Variants in GRM7 observed in about 807,000 individuals in gnomAD.
GRM7 encodes metabotropic glutamate receptor 7.
Under a neutral mutation model 84.5 loss-of-function variants are expected in GRM7, and 35 were observed. That is an observed-to-expected ratio of 0.41 (90% confidence interval 0.32 to 0.55). The LOEUF (loss-of-function observed/expected upper bound fraction) is 0.55. Among genes scored for constraint, GRM7 ranks in the 20% least tolerant of loss-of-function variants. The probability of loss-of-function intolerance (pLI) is 0.19; values close to 1 mark genes in which losing one functional copy is unlikely to be tolerated. For missense variants in GRM7, 1,003 were observed against 1,194.6 expected, an observed-to-expected ratio of 0.84 and a Z score of 2.36; for synonymous variants, 487 against 455.1, an observed-to-expected ratio of 1.07 and a Z score of -0.89.
At chr3:7,426,500 T>C (rs1268400759) in intron 5 of GRM7, among the ~76,000 whole-genome samples, 1 of 152,048 alleles carries the variant, frequency 6.6e-6, no homozygotes, top group East Asian at 1.9e-4. Context: ...TTTCCCCCAA[T>C]ACAACTTTTG....
intron 4 of GRM7, among the ~76,000 whole-genome samples, chr3:7,348,568 G>C (rs1000135017): frequency 6.6e-6 from 1 of 152,058 alleles, no homozygotes; most frequent in African/African-American, 2.4e-5. Flanking sequence ...TAGTAGAAGT[G>C]TACATCCATG....
chr3:6,990,957 G>A (rs1001460857), intron 1 of GRM7, among the ~76,000 whole-genome samples: 6 of 152,056 alleles, frequency 3.9e-5, no homozygotes, highest in African/African-American at 4.8e-5. Context: ...TAGTCCCAGC[G>A]CTTTGAGAGG....
At chr3:7,159,206 T>C (rs1559476420) in intron 2 of GRM7, among the ~76,000 whole-genome samples, 1 of 152,216 alleles carries the variant, frequency 6.6e-6, no homozygotes, top group Non-Finnish European at 1.5e-5. Context: ...TTTTAATGAA[T>C]TGGGAGATGA....
rs565348559 is a variant in GRM7 at position 6,923,140 on chromosome 3, G to A, written c.519+61233G>A. Among the ~76,000 whole-genome samples the A allele has an allele frequency of 4.6e-5, 7 of 151,898 alleles. No homozygotes were observed. The South Asian group carries it at 1.2e-3, about 27-fold the overall frequency. On this transcript the variant is annotated intron_variant, in intron 1 of 9. Transcript: ENST00000357716. ...AGCGATTCTCCCACCTCAGCTTCCC[G>A]AGTAGCTGGGACTACTGGTGTGTGT...
intron 5 of GRM7, among the ~76,000 whole-genome samples, chr3:7,447,821 C>A (rs1342410166): frequency 6.6e-6 from 1 of 151,424 alleles, no homozygotes; most frequent in African/African-American, 2.4e-5. Flanking sequence ...CATATGTATA[C>A]ATGTGCCATG....
At chr3:7,299,902 A>T (rs2125023475) in intron 3 of GRM7, among the ~76,000 whole-genome samples, 1 of 152,234 alleles carries the variant, frequency 6.6e-6, no homozygotes, top group South Asian at 2.1e-4. Context: ...GTGTGTATAA[A>T]TATAAATAGA....
chr3:7,304,352 C>CTTTT (rs147256322), intron 3 of GRM7, among the ~76,000 whole-genome samples: 12 of 115,874 alleles, frequency 1.0e-4, no homozygotes, highest in Admixed American at 3.5e-4. Context: ...AATATCATTT[C>CTTTT]TTTTTTTTTT....
chr3:7,727,369 T>C (rs1702165582), intron 9 of GRM7, among the ~76,000 whole-genome samples: 1 of 152,180 alleles, frequency 6.6e-6, no homozygotes, highest in African/African-American at 2.4e-5. Flanking sequence ...TACTAAATCA[T>C]AGATTGACTA....
chr3:7,395,576 T>C (rs921581278), intron 4 of GRM7, among the ~76,000 whole-genome samples: 5 of 152,132 alleles, frequency 3.3e-5, no homozygotes, highest in Non-Finnish European at 5.9e-5. Context: ...GATAATTGAA[T>C]CCTAGGGGCA....
chr3:7,667,047 G>T (rs1306119594), intron 8 of GRM7, among the ~76,000 whole-genome samples: 3 of 151,968 alleles, frequency 2.0e-5, no homozygotes, highest in Non-Finnish European at 4.4e-5. Flanking sequence ...CACTAGAGAT[G>T]ATAAACATCA....
At chr3:7,064,073 A>ATTTAT (rs559560378) in intron 1 of GRM7, among the ~76,000 whole-genome samples, 44 of 151,334 alleles carry the variant, frequency 2.9e-4, no homozygotes, top group Non-Finnish European at 5.6e-4. Flanking sequence ...TTACTTTATA[A>ATTTAT]TTTATTTTAT....
At chr3:7,603,298 CT>C (rs1696409552) in intron 8 of GRM7, among the ~76,000 whole-genome samples, 1 of 152,082 alleles carries the variant, frequency 6.6e-6, no homozygotes, top group African/African-American at 2.4e-5. Context: ...GTCCACATGC[CT>C]GAGGCTGTCT....
In GRM7 at chr3:7,723,720, T is replaced by A. The variant is rs1248945961; in HGVS notation, c.2699-16637T>A. ...TAAAAATGAGTCAGGCATGGTGGCG[T>A]GCACCTGTAGTCCCAGCTATTTGGG... On this transcript the variant is annotated intron_variant, in intron 9 of 9. Coordinates refer to ENST00000357716, the MANE Select transcript of GRM7 (RefSeq NM_000844.4). Among the ~76,000 whole-genome samples, 5 of 152,026 alleles carry A rather than the reference T, an allele frequency of 3.3e-5. No individual in the cohort carries two copies. In the East Asian group the frequency reaches 9.7e-4, roughly 29 times the overall value.
In GRM7 at chr3:7,106,507, A is replaced by G. The variant is rs375288119; in HGVS notation, c.520-39945A>G. On this transcript the variant is annotated intron_variant, in intron 1 of 9. Coordinates refer to ENST00000357716, the MANE Select transcript of GRM7 (RefSeq NM_000844.4). ...AATGTGAATGATAATTTTTAAGAAA[A>G]CAGCTTCAAATGAATGGGATGCCTA... 2.6e-5 allele frequency among the ~76,000 whole-genome samples: 4 copies of G among 152,008 alleles called. No individual in the cohort carries two copies. In the East Asian group the frequency reaches 7.7e-4, roughly 29 times the overall value.
At chr3:7,457,268 A>G (rs184880917) in intron 6 of GRM7, among the ~76,000 whole-genome samples, 175 of 152,290 alleles carry the variant, frequency 1.1e-3, no homozygotes, top group African/African-American at 4.1e-3. Context: ...ATAATATCGT[A>G]CCCTAAAGGC....
chr3:7,131,112 A>C (rs368333520), intron 1 of GRM7, among the ~76,000 whole-genome samples: 2 of 152,118 alleles, frequency 1.3e-5, no homozygotes, highest in East Asian at 3.8e-4. Flanking sequence ...GGAGCTAGGA[A>C]GGACTGACAA....
intron 2 of GRM7, among the ~76,000 whole-genome samples, chr3:7,226,575 G>T (rs1696988643): frequency 6.6e-6 from 1 of 152,094 alleles, no homozygotes; most frequent in African/African-American, 2.4e-5. Context: ...ACATTCTATT[G>T]GTTAGAAGCA....
intron 1 of GRM7, among the ~76,000 whole-genome samples, chr3:6,963,508 C>G (rs1020482924): frequency 3.3e-5 from 5 of 152,090 alleles, no homozygotes; most frequent in Non-Finnish European, 5.9e-5. Flanking sequence ...ATCTGTAGTC[C>G]CAGCAACTTT....
chr3:7,377,620 C>T (rs1286538372), intron 4 of GRM7, among the ~76,000 whole-genome samples: 2 of 152,056 alleles, frequency 1.3e-5, no homozygotes, highest in East Asian at 3.9e-4. Context: ...GTTGAAAAAC[C>T]ATTAAGGTGA....
Sources: allele counts gnomAD v4.1 joint callset (sites outside exome capture counted in the v4.1 genomes callset), GRCh38; gene constraint gnomAD v4.1.1; transcripts MANE v1.5; gene names NCBI Gene and HGNC (gene_info 2026-07-23, HGNC 2026-07-21).